MTUS2: variants seen among roughly 807,000 people sequenced by gnomAD.
MTUS2 encodes the protein microtubule-associated tumor suppressor candidate 2.
In MTUS2, 40 loss-of-function variants were observed where a neutral mutation model predicts 114.1. The observed-to-expected ratio is 0.35, with a 90% confidence interval of 0.27 to 0.46. The LOEUF (loss-of-function observed/expected upper bound fraction) is 0.46. Ranked by LOEUF, MTUS2 falls within the 20% of genes least tolerant of loss-of-function variation. MTUS2 has a pLI of 1.00. For missense variants in MTUS2, 1,679 were observed against 1,705.4 expected (o/e 0.98, Z 0.27); for synonymous variants, 688 against 672.0 (o/e 1.02, Z -0.37).
intron 2 of MTUS2, among the ~76,000 whole-genome samples, chr13:28,843,409 G>A (rs1875644778): frequency 6.6e-6 from 1 of 152,128 alleles, no homozygotes; most frequent in Non-Finnish European, 1.5e-5. Flanking sequence ...AAGCACCGGG[G>A]TCACAAAGTC....
chr13:28,831,045 G>A (rs1010899201), intron 1 of MTUS2, among the ~76,000 whole-genome samples: 1 of 152,000 alleles, frequency 6.6e-6, no homozygotes, highest in African/African-American at 2.4e-5. Context: ...TGTAACTAAA[G>A]GACACAAGTC....
chr13:29,113,682 A>G (rs537062970), intron 5 of MTUS2, among the ~76,000 whole-genome samples: 4 of 151,736 alleles, frequency 2.6e-5, no homozygotes, highest in African/African-American at 9.7e-5. Flanking sequence ...TTTTTTTTTT[A>G]AAGATATAAC....
chr13:29,008,460 C>G (rs1885696400), intron 2 of MTUS2, among the ~76,000 whole-genome samples: 1 of 152,184 alleles, frequency 6.6e-6, no homozygotes, highest in African/African-American at 2.4e-5. Context: ...TGGCCACCAC[C>G]CATTTCCTTT....
intron 8 of MTUS2, among the ~76,000 whole-genome samples, chr13:29,435,422 C>T (rs1877331436): frequency 6.6e-6 from 1 of 152,168 alleles, no homozygotes; most frequent in African/African-American, 2.4e-5. Flanking sequence ...AGGCCTTGAT[C>T]ATATTTCAGT....
chr13:29,497,114 C>A, intron 12 of MTUS2, 124 bp from the exon 13 acceptor site: 1 of 810,506 alleles, frequency 1.2e-6, no homozygotes, highest in Non-Finnish European at 2.0e-6. Context: ...CTTTCTTCAG[C>A]CCCAAGGGAA....
chr13:29,245,487 A>G (rs1454063270), intron 5 of MTUS2, among the ~76,000 whole-genome samples: 2 of 152,158 alleles, frequency 1.3e-5, no homozygotes, highest in Non-Finnish European at 2.9e-5. Flanking sequence ...TGCACTGGAT[A>G]ACAGGGACCT....
intron 8 of MTUS2, among the ~76,000 whole-genome samples, chr13:29,401,913 G>A (rs886614460): frequency 6.6e-5 from 10 of 152,204 alleles, no homozygotes; most frequent in East Asian, 1.9e-4. Flanking sequence ...TAATTGCACC[G>A]GATTTGTATA....
At chr13:29,020,401 G>A (rs868474851) in intron 2 of MTUS2, among the ~76,000 whole-genome samples, 4 of 152,014 alleles carry the variant, frequency 2.6e-5, no homozygotes, top group Admixed American at 6.6e-5. Context: ...CTGTGAAAAC[G>A]TTTATCTTAG....
chr13:29,341,842 G>A (rs1291355456), intron 7 of MTUS2, among the ~76,000 whole-genome samples: 2 of 152,124 alleles, frequency 1.3e-5, no homozygotes, highest in African/African-American at 4.8e-5. Context: ...TGAGAGATGA[G>A]GATCCAGTTT....
intron 2 of MTUS2, among the ~76,000 whole-genome samples, chr13:29,022,861 A>T (rs1886351202): frequency 6.6e-6 from 1 of 152,234 alleles, no homozygotes; most frequent in African/African-American, 2.4e-5. Context: ...CTTTGGGGGC[A>T]GAAATAACGC....
In MTUS2 at chr13:29,020,243, G is replaced by A. The variant is rs145075609; in HGVS notation, c.-242-4214G>A. On this transcript the variant is annotated intron_variant, in intron 2 of 15. Coordinates refer to ENST00000612955, the MANE Select transcript of MTUS2 (RefSeq NM_001033602.4). ...TAACTTTTTGTAATAATAGATCTGA[G>A]GCATATGAAAGTTACATGTCTCACT... Among the ~76,000 whole-genome samples, 170 of 152,180 alleles carry A rather than the reference G, an allele frequency of 1.1e-3. 1 individual carries two copies. The highest frequency in any genetic ancestry group is 3.7e-3 in the African/African-American group (154 of 41,496).
chr13:29,009,027 T>C (rs1268041333), intron 2 of MTUS2, among the ~76,000 whole-genome samples: 1 of 152,056 alleles, frequency 6.6e-6, no homozygotes, highest in African/African-American at 2.4e-5. Context: ...TTTCTTTTTT[T>C]TGGTGGGGAG....
At chr13:29,157,375 G>A (rs534791513) in intron 5 of MTUS2, among the ~76,000 whole-genome samples, 3 of 152,272 alleles carry the variant, frequency 2.0e-5, no homozygotes, top group African/African-American at 7.2e-5. Flanking sequence ...AGCCCTTGGT[G>A]TTTTTGACTT....
intron 5 of MTUS2, among the ~76,000 whole-genome samples, chr13:29,174,183 A>C (rs1467198003): frequency 1.3e-5 from 2 of 152,158 alleles, no homozygotes; most frequent in African/African-American, 4.8e-5. Context: ...CATGCTACCT[A>C]GAAATACAAT....
chr13:29,411,683 A>T (rs910064372), intron 8 of MTUS2, among the ~76,000 whole-genome samples: 11 of 152,214 alleles, frequency 7.2e-5, no homozygotes, highest in African/African-American at 2.7e-4. Context: ...TTTATTTGTG[A>T]TGCTGAGTCA....
At chr13:29,327,656 G>A (rs1900583570) in intron 7 of MTUS2, among the ~76,000 whole-genome samples, 1 of 152,054 alleles carries the variant, frequency 6.6e-6, no homozygotes, top group South Asian at 2.1e-4. Flanking sequence ...CCAGAACTTG[G>A]CTGTAATAAG....
chr13:29,266,615 A>G (rs897952429), intron 5 of MTUS2, among the ~76,000 whole-genome samples: 1 of 152,184 alleles, frequency 6.6e-6, no homozygotes, highest in Non-Finnish European at 1.5e-5. Flanking sequence ...ATCATACTAT[A>G]TTATAGATCA....
At chr13:29,413,556 C>A (rs1211353092) in intron 8 of MTUS2, among the ~76,000 whole-genome samples, 1 of 98,048 alleles carries the variant, frequency 1.0e-5, no homozygotes, top group East Asian at 2.8e-4. Flanking sequence ...ACCTACTCAT[C>A]TGACAAAGGG....
At chr13:29,394,929 G>A (rs925220204) in intron 8 of MTUS2, among the ~76,000 whole-genome samples, 4 of 152,100 alleles carry the variant, frequency 2.6e-5, no homozygotes, top group African/African-American at 7.2e-5. Flanking sequence ...CCCCCCACCC[G>A]CCTGTCTGTG....
Sources: allele counts gnomAD v4.1 joint callset (sites outside exome capture counted in the v4.1 genomes callset), GRCh38; gene constraint gnomAD v4.1.1; transcripts MANE v1.5; gene names NCBI Gene and HGNC (gene_info 2026-07-23, HGNC 2026-07-21).